The following GRM1 variants were observed in gnomAD, a reference collection of about 807,000 sequenced individuals.
The protein encoded by GRM1 is glutamate metabotropic receptor 1.
GRM1 carries 33 observed loss-of-function variants against 90.9 expected under a neutral mutation model. The ratio of observed to expected loss-of-function variants is 0.36; its 90% CI spans 0.28 to 0.49. The LOEUF is 0.49. Among genes scored for constraint, GRM1 ranks in the 20% least tolerant of loss-of-function variants. GRM1 has a pLI of 0.99. For missense variants in GRM1, 1,190 were observed against 1,534.3 expected, an observed-to-expected ratio of 0.78 and a Z score of 3.75; for synonymous variants, 700 against 613.2, an observed-to-expected ratio of 1.14 and a Z score of -2.09.
intron 1 of GRM1, among the ~76,000 whole-genome samples, chr6:146,138,217 G>A (rs1202056508): frequency 6.6e-6 from 1 of 151,938 alleles, no homozygotes; most frequent in Non-Finnish European, 1.5e-5. Context: ...GTGCAAGTGG[G>A]CATCCGTGTT....
chr6:146,197,637 A>ATAGACTTT (rs1472912361), intron 2 of GRM1, among the ~76,000 whole-genome samples: 1 of 152,250 alleles, frequency 6.6e-6, no homozygotes, highest in African/African-American at 2.4e-5. Context: ...TTTAGACTTT[A>ATAGACTTT]TTATAAGAAA....
chr6:146,188,070 A>G (rs1778798940), intron 2 of GRM1, among the ~76,000 whole-genome samples: 1 of 152,114 alleles, frequency 6.6e-6, no homozygotes, highest in Non-Finnish European at 1.5e-5. Flanking sequence ...AGTCATTTAA[A>G]GTGTTTCAAA....
intron 1 of GRM1, among the ~76,000 whole-genome samples, chr6:146,086,728 A>G (rs555059044): frequency 2.0e-5 from 3 of 152,086 alleles, no homozygotes; most frequent in African/African-American, 4.8e-5. Context: ...CTTCTGGGAC[A>G]ACTGGTAGGC....
At chr6:146,286,824 A>G (rs965652314) in intron 2 of GRM1, among the ~76,000 whole-genome samples, 5 of 152,220 alleles carry the variant, frequency 3.3e-5, no homozygotes, top group Admixed American at 2.0e-4. Flanking sequence ...GCTTCTGAAA[A>G]ATGTCTTAAA....
intron 1 of GRM1, among the ~76,000 whole-genome samples, chr6:146,108,932 T>C (rs1418766667): frequency 1.3e-5 from 2 of 152,112 alleles, no homozygotes; most frequent in Non-Finnish European, 2.9e-5. Flanking sequence ...ACTTTGAATG[T>C]GAGAGAGATT....
chr6:146,268,432 T>G (rs1419812797), intron 2 of GRM1, among the ~76,000 whole-genome samples: 2 of 152,218 alleles, frequency 1.3e-5, no homozygotes, highest in African/African-American at 4.8e-5. Flanking sequence ...CTATACTGAC[T>G]ACATTTGTAT....
At chr6:146,093,408 A>G (rs929855802) in intron 1 of GRM1, among the ~76,000 whole-genome samples, 3 of 152,036 alleles carry the variant, frequency 2.0e-5, no homozygotes, top group Non-Finnish European at 2.9e-5. Flanking sequence ...GTTGGTTTAC[A>G]CACACTCAGA....
chr6:146,159,564 T>C lies in GRM1; in HGVS notation c.917T>C (p.Leu306Pro). 1 of 1,613,534 alleles carries C rather than the reference T, an allele frequency of 6.2e-7. No homozygotes were observed. Among genetic ancestry groups the C allele is most frequent in the Non-Finnish European group, 8.5e-7 (1 of 1,179,910 alleles). Residue 306 changes from leucine (L) to proline (P), a missense_variant, in exon 2 of 8, where the codon CTT becomes CCT. Leu to Pro is a moderately conservative substitution (Grantham distance 98). Around this residue, in one of 10 missense-constraint regions of GRM1, gnomAD observed 414 missense variants for 598.4 expected, o/e 0.69. Coordinates refer to ENST00000282753, the MANE Select transcript of GRM1 (RefSeq NM_001278064.2). ...GGACTCCTGAGCGCCATGCGGCGCC[T>C]TGGCGTCGTGGGCGAGTTCTCACTC... ...VRGLLSAMRR[L>P]GVVGEFSLIG...
At chr6:146,376,103 T>G (rs1776088915) in intron 5 of GRM1, among the ~76,000 whole-genome samples, 1 of 152,142 alleles carries the variant, frequency 6.6e-6, no homozygotes, top group Admixed American at 6.6e-5. Flanking sequence ...ACCTATTGTT[T>G]TAACCTCATA....
rs144735452 is a variant in GRM1 at position 146,249,313 on chromosome 6, C to T, written c.951-55298C>T. The stretch of plus-strand genomic sequence containing the variant: ...ACCTTCACATCAGCCTCTCCCATTA[C>T]AAGTCTAGAGGTCTAGGAGGGAAAA... On this transcript the variant is annotated intron_variant, in intron 2 of 7. Transcript: ENST00000282753. Among the ~76,000 whole-genome samples the T allele has an allele frequency of 4.2e-4, 64 of 152,248 alleles. No homozygotes were observed. In the East Asian group the frequency reaches 7.4e-3, roughly 18 times the overall value.
At chr6:146,185,808 C>G (rs546837570) in intron 2 of GRM1, among the ~76,000 whole-genome samples, 17 of 152,160 alleles carry the variant, frequency 1.1e-4, no homozygotes, top group Non-Finnish European at 2.1e-4. Context: ...ATATCTCTAA[C>G]TATTGTCCAT....
At chr6:146,255,521 G>T (rs1185224668) in intron 2 of GRM1, among the ~76,000 whole-genome samples, 2 of 151,960 alleles carry the variant, frequency 1.3e-5, no homozygotes, top group Admixed American at 1.3e-4. Context: ...ACTTGCATTT[G>T]AAGCCTTCCT....
chr6:146,086,674 C>T (rs1776556320), intron 1 of GRM1, among the ~76,000 whole-genome samples: 2 of 152,060 alleles, frequency 1.3e-5, no homozygotes, highest in South Asian at 4.2e-4. Flanking sequence ...CTCTTCCCTT[C>T]ATGAACTCCT....
chr6:146,345,623 A>G (rs1490907755), intron 3 of GRM1, among the ~76,000 whole-genome samples: 2 of 152,240 alleles, frequency 1.3e-5, no homozygotes, highest in Non-Finnish European at 2.9e-5. Flanking sequence ...GGACCATAAT[A>G]GCATAAACTT....
At chr6:146,326,805 C>T (rs1356594306) in intron 3 of GRM1, among the ~76,000 whole-genome samples, 2 of 152,078 alleles carry the variant, frequency 1.3e-5, no homozygotes, top group African/African-American at 4.8e-5. Flanking sequence ...TAATACATAG[C>T]TGTTTTCCAA....
intron 1 of GRM1, among the ~76,000 whole-genome samples, chr6:146,138,522 G>A (rs1441424687): frequency 6.6e-6 from 1 of 151,934 alleles, no homozygotes; most frequent in Non-Finnish European, 1.5e-5. Context: ...TTAGTTTTCC[G>A]GGAAACATTT....
At position 146,436,378 on chromosome 6, in the gene GRM1, C is replaced by G. The variant is rs1423124171; in HGVS notation, c.*1582C>G. The G allele has an allele frequency of 1.3e-5, 2 of 152,132 alleles. No individual in the cohort carries two copies. The highest frequency in any genetic ancestry group is 2.9e-5 in the Non-Finnish European group (2 of 68,018). The allele number at this position is 152,132 out of a possible 1,614,324, so 9.4% of individuals were successfully genotyped here. ...AAACTGAGAGTGAAAATAAAAGGTA[C>G]ATTTTATAAGCTTGCACACATTATT... On this transcript the variant is annotated 3_prime_UTR_variant, in exon 8 of 8. Coordinates refer to ENST00000282753, the MANE Select transcript of GRM1 (RefSeq NM_001278064.2).
intron 3 of GRM1, among the ~76,000 whole-genome samples, chr6:146,335,782 T>C (rs1784752755): frequency 6.6e-6 from 1 of 152,098 alleles, no homozygotes; most frequent in South Asian, 2.1e-4. Flanking sequence ...CATGACATGG[T>C]TTGGCTGTGT....
intron 1 of GRM1, among the ~76,000 whole-genome samples, chr6:146,037,103 C>T (rs1179756413): frequency 1.3e-5 from 2 of 151,828 alleles, no homozygotes; most frequent in East Asian, 3.9e-4. Context: ...TAATCACTAC[C>T]ATGTTATATT....
Sources: allele counts gnomAD v4.1 joint callset (sites outside exome capture counted in the v4.1 genomes callset), GRCh38; gene constraint gnomAD v4.1.1; regional missense constraint gnomAD v4.1.1; transcripts MANE v1.5; gene names NCBI Gene and HGNC (gene_info 2026-07-23, HGNC 2026-07-21).